Variants in PRKAG2 observed in about 807,000 individuals in gnomAD.
PRKAG2 encodes the protein protein kinase AMP-activated non-catalytic subunit gamma 2, also known as 5'-AMP-activated protein kinase subunit gamma-2.
Under a neutral mutation model 69.6 loss-of-function variants are expected in PRKAG2, and 26 were observed. The observed-to-expected ratio is 0.37, with a 90% CI of 0.27 to 0.52. The LOEUF is 0.52. Ranked by LOEUF, PRKAG2 falls within the 20% of genes least tolerant of loss-of-function variation. The pLI is 0.90. For missense variants in PRKAG2, 557 were observed against 740.0 expected, an observed-to-expected ratio of 0.75 and a Z score of 2.87; for synonymous variants, 293 against 285.0, an observed-to-expected ratio of 1.03 and a Z score of -0.28.
chr7:151,706,178 T>C (rs59558034), intron 3 of PRKAG2, among the ~76,000 whole-genome samples: 15,986 of 152,272 alleles, frequency 0.1, 1,426 homozygotes, highest in African/African-American at 0.24. Context: ...CACAGCTGGC[T>C]GGTGTCAGTC....
intron 1 of PRKAG2, among the ~76,000 whole-genome samples, chr7:151,865,967 C>T (rs536999335): frequency 7.1e-4 from 101 of 142,984 alleles, no homozygotes; most frequent in Middle Eastern, 8.3e-3. Context: ...TTGCAGTGAG[C>T]GGAGATCGCA....
intron 3 of PRKAG2, among the ~76,000 whole-genome samples, chr7:151,749,944 A>G (rs2074553561): frequency 6.6e-6 from 1 of 151,904 alleles, no homozygotes; most frequent in Non-Finnish European, 1.5e-5. Context: ...TAAACATATA[A>G]AAATTAGCTG....
chr7:151,573,715 T>C (rs2151029310), intron 8 of PRKAG2, among the ~76,000 whole-genome samples: 1 of 152,280 alleles, frequency 6.6e-6, no homozygotes, highest in Non-Finnish European at 1.5e-5. Context: ...GAAGAAATAA[T>C]ACACTTCATG....
chr7:151,601,458 G>A (rs1816050807), intron 5 of PRKAG2, among the ~76,000 whole-genome samples: 1 of 152,108 alleles, frequency 6.6e-6, no homozygotes, highest in Non-Finnish European at 1.5e-5. Flanking sequence ...TGTCTAGTGT[G>A]CATTCCTCCC....
At chr7:151,681,521 C>G (rs1383649692) in intron 3 of PRKAG2, among the ~76,000 whole-genome samples, 1 of 152,002 alleles carries the variant, frequency 6.6e-6, no homozygotes, top group African/African-American at 2.4e-5. Flanking sequence ...TAACATATGC[C>G]CTATCTGTTG....
intron 3 of PRKAG2, among the ~76,000 whole-genome samples, chr7:151,720,306 T>C (rs1273614765): frequency 6.6e-6 from 1 of 151,874 alleles, no homozygotes; most frequent in Non-Finnish European, 1.5e-5. Context: ...CCAGTTCGCG[T>C]TTGAGTTTCT....
At chr7:151,663,285 A>C (rs1186317792) in intron 4 of PRKAG2, among the ~76,000 whole-genome samples, 2 of 152,208 alleles carry the variant, frequency 1.3e-5, no homozygotes, top group Non-Finnish European at 2.9e-5. Context: ...GCCCAAAAGC[A>C]GAGTGTGTAA....
chr7:151,700,449 A>C lies in PRKAG2; in HGVS notation c.467-24812T>G, dbSNP rs537340121. Among the ~76,000 whole-genome samples the C allele has an allele frequency of 1.4e-3, 218 of 152,342 alleles. 3 individuals carry two copies. The South Asian group carries it at 0.043, about 30-fold the overall frequency. On this transcript the variant is annotated intron_variant, in intron 3 of 15. Transcript: ENST00000287878. Reference sequence around the variant, plus strand: ...AGTGACCGACAGACACGTCAGGGTGAGATACGCGGCTGTAGGCCAGGGGTT... The same window carrying C: ...AGTGACCGACAGACACGTCAGGGTGCGATACGCGGCTGTAGGCCAGGGGTT...
At chr7:151,816,290 C>T (rs2078638040) in intron 1 of PRKAG2, among the ~76,000 whole-genome samples, 1 of 152,204 alleles carries the variant, frequency 6.6e-6, no homozygotes, top group South Asian at 2.1e-4. Flanking sequence ...GAGCTCTGCA[C>T]TTGCCTACCT....
At position 151,632,516 on chromosome 7, in the gene PRKAG2, C is replaced by T. The variant is rs952877130; in HGVS notation, c.685-378G>A. The T allele has an allele frequency of 3.6e-5, 34 of 945,198 alleles. No homozygotes were observed. Among genetic ancestry groups the T allele is most frequent in the Non-Finnish European group, 4.0e-5 (32 of 793,892 alleles). 58.6% of individuals were successfully genotyped at this position (945,198 alleles called of 1,614,324 possible). A position where few individuals can be genotyped will look rare whatever the true frequency, so the allele number is the denominator to read the frequency against. ...GTGGCCCGCGTCCTCCCCGCCGTGC[C>T]GCCATTGGGAGAGGCCCGCGGCCCG... On this transcript the variant is annotated intron_variant, in intron 4 of 15. Transcript: ENST00000287878. This position sits in a 1 kb window ranked among gnomAD's most constrained non-coding sequence, Gnocchi z 4.2.
intron 1 of PRKAG2, among the ~76,000 whole-genome samples, chr7:151,842,855 G>A (rs1254870351): frequency 6.6e-6 from 1 of 151,900 alleles, no homozygotes; most frequent in Non-Finnish European, 1.5e-5. Context: ...GAAGGCTTCA[G>A]AACTCTGATC....
intron 3 of PRKAG2, among the ~76,000 whole-genome samples, chr7:151,703,845 AACACACACACACACACACACACAC>A (rs535818189): frequency 0.035 from 3,098 of 88,564 alleles, 58 homozygotes; most frequent in African/African-American, 0.04. Context: ...TTTACTGGAA[AACACACACACACACACACACACAC>A]ACACACACAC....
intron 4 of PRKAG2, among the ~76,000 whole-genome samples, chr7:151,639,156 C>T (rs987009404): frequency 1.3e-5 from 2 of 152,168 alleles, no homozygotes; most frequent in African/African-American, 4.8e-5. Flanking sequence ...TTTTCTACAC[C>T]AACGCAGATG....
At chr7:151,763,321 GCA>G (rs2075541230) in intron 3 of PRKAG2, among the ~76,000 whole-genome samples, 1 of 152,236 alleles carries the variant, frequency 6.6e-6, no homozygotes, top group Non-Finnish European at 1.5e-5. Context: ...AGCCATCCCG[GCA>G]CAGAGTCGAG....
intron 3 of PRKAG2, among the ~76,000 whole-genome samples, chr7:151,747,440 C>G (rs2074352224): frequency 1.3e-5 from 2 of 152,048 alleles, no homozygotes; most frequent in African/African-American, 4.8e-5. Flanking sequence ...GCCTGTAATC[C>G]CAGTTACTCA....
intron 4 of PRKAG2, among the ~76,000 whole-genome samples, chr7:151,664,263 G>C (rs189428520): frequency 3.1e-4 from 47 of 152,212 alleles, no homozygotes; most frequent in Middle Eastern, 6.8e-3. Context: ...TGAGCCTTTG[G>C]GGGAGTAACT....
chr7:151,644,622 G>A (rs967813327), intron 4 of PRKAG2, among the ~76,000 whole-genome samples: 1 of 152,096 alleles, frequency 6.6e-6, no homozygotes, highest in Non-Finnish European at 1.5e-5. Flanking sequence ...TTCACTTTTT[G>A]ACCATTGGGA....
chr7:151,724,801 G>A (rs532290538), intron 3 of PRKAG2, among the ~76,000 whole-genome samples: 3 of 152,204 alleles, frequency 2.0e-5, no homozygotes, highest in African/African-American at 7.2e-5. Flanking sequence ...CAGAGGCCTC[G>A]GGAGTGACAG....
At chr7:151,752,474 A>T (rs1350883048) in intron 3 of PRKAG2, among the ~76,000 whole-genome samples, 2 of 152,220 alleles carry the variant, frequency 1.3e-5, no homozygotes, top group Admixed American at 1.3e-4. Context: ...TACATGATGA[A>T]ATACGTGGGT....
Sources: gnomAD v4.1 joint callset for allele counts (sites outside exome capture counted in the v4.1 genomes callset) on GRCh38, gnomAD v4.1.1 for gene constraint, Gnocchi (gnomAD v3.1) non-coding constraint, MANE v1.5 for transcripts, NCBI Gene and HGNC (gene_info 2026-07-23, HGNC 2026-07-21) for gene names.